Variants in MAML3 observed in about 807,000 individuals in gnomAD.
MAML3 encodes mastermind like transcriptional coactivator 3, also known as mastermind-like protein 3.
Under a neutral mutation model 101.9 loss-of-function variants are expected in MAML3, and 27 were observed. The ratio of observed to expected loss-of-function variants is 0.27; its 90% confidence interval spans 0.20 to 0.37. MAML3 has a LOEUF of 0.37. Among genes scored for constraint, MAML3 ranks in the 10% least tolerant of loss-of-function variants. The pLI is 1.00. For synonymous variants in MAML3, 501 were observed against 555.9 expected (o/e 0.90, Z 1.39); for missense variants, 1,316 against 1,444.9 (o/e 0.91, Z 1.45).
At chr4:140,092,004 A>ACG (rs1728060391) in intron 1 of MAML3, among the ~76,000 whole-genome samples, 2 of 150,972 alleles carry the variant, frequency 1.3e-5, no homozygotes, top group Non-Finnish European at 2.9e-5. Context: ...GCAGTGGGGT[A>ACG]TCATCTCTGT....
At chr4:139,781,508 C>CATATATATATATATATATATATAT (rs10568513) in intron 2 of MAML3, among the ~76,000 whole-genome samples, 2,133 of 135,810 alleles carry the variant, frequency 0.016, 47 homozygotes, top group Admixed American at 0.026. Flanking sequence ...AGAGCATTTT[C>CATATATATATATATATATATATAT]ATATATATAT....
intron 1 of MAML3, among the ~76,000 whole-genome samples, chr4:140,039,599 C>A (rs973142782): frequency 3.3e-5 from 5 of 152,182 alleles, no homozygotes; most frequent in Non-Finnish European, 7.3e-5. Context: ...GCCCACCCAC[C>A]CCGACTGTGC....
intron 2 of MAML3, among the ~76,000 whole-genome samples, chr4:139,806,494 C>T (rs1033946761): frequency 6.6e-6 from 1 of 152,002 alleles, no homozygotes; most frequent in Non-Finnish European, 1.5e-5. Flanking sequence ...GGTAAGGGAG[C>T]TCATTCAGTA....
intron 2 of MAML3, among the ~76,000 whole-genome samples, chr4:139,772,474 T>G (rs1730016065): frequency 2.6e-5 from 4 of 151,312 alleles, no homozygotes; most frequent in African/African-American, 7.3e-5. Context: ...CCCAAGTAGC[T>G]GGGATTACAG....
Position 140,154,060 on chromosome 4 carries a change from C to T in MAML3, c.-733G>A. The T allele has an allele frequency of 6.0e-6, 1 of 165,644 alleles. No homozygotes were observed. The allele number at this position is 165,644 out of a possible 1,614,324, so 10.3% of individuals were successfully genotyped here. On this transcript the variant is annotated 5_prime_UTR_variant, in exon 1 of 5. Coordinates refer to ENST00000509479, the MANE Select transcript of MAML3 (RefSeq NM_018717.5). Reference sequence around the variant, plus strand: ...GAGCAGCACCTAACGCTCGGCTGGGCTGCCGCTGCCGCCGCTGCTCCTGCC... The same window carrying T: ...GAGCAGCACCTAACGCTCGGCTGGGTTGCCGCTGCCGCCGCTGCTCCTGCC...
Position 139,896,607 on chromosome 4 carries a change from G to GGTGTGTGTGTGTGT in MAML3, c.469-5654_469-5641dup, listed in dbSNP as rs113274639. Among the ~76,000 whole-genome samples the GGTGTGTGTGTGTGT allele has an allele frequency of 3.7e-3, 536 of 144,748 alleles. 6 individuals carry two copies. Among genetic ancestry groups the GGTGTGTGTGTGTGT allele is most frequent in the African/African-American group, 0.012 (476 of 38,328 alleles). The allele number at this position is 144,748 out of a possible 152,430, so 95.0% of individuals were successfully genotyped here. A position where few individuals can be genotyped will look rare whatever the true frequency, so the allele number is the denominator to read the frequency against. The stretch of plus-strand genomic sequence containing the variant: ...CTTGATGGCTTGTTTCTGTGAAACT[G>GGTGTGTGTGTGTGT]GTGTGTGTGTGTGTGTGTGTGTGTG... On this transcript the variant is annotated intron_variant, in intron 1 of 4. Transcript: ENST00000509479.
At chr4:140,052,083 T>C (rs1727277986) in intron 1 of MAML3, among the ~76,000 whole-genome samples, 1 of 152,058 alleles carries the variant, frequency 6.6e-6, no homozygotes, top group Non-Finnish European at 1.5e-5. Context: ...TTTCATGAAA[T>C]GGGTTAAGGA....
In MAML3 at chr4:139,938,259, G is replaced by T. The variant is rs546504978; in HGVS notation, c.469-47292C>A. ...GGGAGAAAGGAAACAGCAATGCTAA[G>T]CCCTGGGCCTCAAGCGCACAGAGTA... On this transcript the variant is annotated intron_variant, in intron 1 of 4. Transcript: ENST00000509479. 1.5e-4 allele frequency among the ~76,000 whole-genome samples: 23 copies of T among 152,318 alleles called. 1 individual carries two copies. The South Asian group carries it at 4.4e-3, about 29-fold the overall frequency.
chr4:140,129,645 G>C (rs1461349560), intron 1 of MAML3, among the ~76,000 whole-genome samples: 1 of 152,050 alleles, frequency 6.6e-6, no homozygotes, highest in East Asian at 1.9e-4. Flanking sequence ...GCAACGAAAA[G>C]ACCCCAAGTC....
chr4:139,757,594 G>A (rs1560785209), intron 2 of MAML3, among the ~76,000 whole-genome samples: 2 of 135,390 alleles, frequency 1.5e-5, no homozygotes, highest in African/African-American at 5.7e-5. Context: ...AGTGAGTCAA[G>A]ATTGCACCAC....
intron 1 of MAML3, among the ~76,000 whole-genome samples, chr4:140,040,224 C>T (rs902503374): frequency 6.6e-6 from 1 of 152,202 alleles, no homozygotes; most frequent in Non-Finnish European, 1.5e-5. Flanking sequence ...ATTTTCATTT[C>T]TATTCCATTG....
intron 1 of MAML3, among the ~76,000 whole-genome samples, chr4:140,015,516 A>G (rs1726627718): frequency 6.6e-6 from 1 of 152,230 alleles, no homozygotes; most frequent in Non-Finnish European, 1.5e-5. Context: ...AAAAAAGTCT[A>G]TCATTAAAAT....
intron 1 of MAML3, among the ~76,000 whole-genome samples, chr4:140,113,357 G>A (rs1231124000): frequency 6.6e-6 from 1 of 152,040 alleles, no homozygotes; most frequent in Non-Finnish European, 1.5e-5. Flanking sequence ...AGGGCCCCTC[G>A]CTGAACCTTG....
chr4:139,724,760 A>G (rs550102162), intron 4 of MAML3, among the ~76,000 whole-genome samples: 1 of 146,054 alleles, frequency 6.8e-6, no homozygotes, highest in East Asian at 2.0e-4. Flanking sequence ...CACCCCATAT[A>G]AGACCCTCAA....
At chr4:139,933,311 T>A (rs1164560195) in intron 1 of MAML3, among the ~76,000 whole-genome samples, 1 of 152,148 alleles carries the variant, frequency 6.6e-6, no homozygotes, top group Non-Finnish European at 1.5e-5. Context: ...GGCCCGCCCA[T>A]GAGCATCCTT....
intron 1 of MAML3, among the ~76,000 whole-genome samples, chr4:140,135,912 C>G (rs1001711824): frequency 6.6e-6 from 1 of 152,210 alleles, no homozygotes; most frequent in African/African-American, 2.4e-5. Flanking sequence ...ATCTCCCTCC[C>G]CCTTCTCCTT....
rs527274074 is a variant in MAML3, at chr4:140,013,467, A to G, written c.469-122500T>C. 3.9e-5 allele frequency among the ~76,000 whole-genome samples: 6 copies of G among 152,270 alleles called. No homozygotes were observed. In the East Asian group the frequency reaches 5.8e-4, roughly 15 times the overall value. The stretch of plus-strand genomic sequence containing the variant: ...AGTAGTCTCTGTTACCGCAAATCCT[A>G]TGTTATCTCTGACATGATACCACAC... On this transcript the variant is annotated intron_variant, in intron 1 of 4. Coordinates refer to ENST00000509479, the MANE Select transcript of MAML3 (RefSeq NM_018717.5).
intron 1 of MAML3, among the ~76,000 whole-genome samples, chr4:140,151,952 G>A (rs923854951): frequency 6.6e-6 from 1 of 152,158 alleles, no homozygotes; most frequent in Non-Finnish European, 1.5e-5. Flanking sequence ...CAAAGTTGGC[G>A]GGCAGCGGGG....
At position 139,718,690 on chromosome 4, in the gene MAML3, T is replaced by C. The variant is rs1444999023; in HGVS notation, c.*633A>G. The C allele has an allele frequency of 2.0e-5, 3 of 152,376 alleles. No individual in the cohort carries two copies. Among genetic ancestry groups the C allele is most frequent in the Non-Finnish European group, 2.9e-5 (2 of 68,158 alleles). The allele number at this position is 152,376 out of a possible 1,614,324, so 9.4% of individuals were successfully genotyped here. A position where few individuals can be genotyped will look rare whatever the true frequency, so the allele number is the denominator to read the frequency against. ...CCTTTGCAATTCCTGAGGGTCATCATGGGGCAGGAGACAGACAGTCCTGTA... is the reference window on the plus strand; with the variant it reads ...CCTTTGCAATTCCTGAGGGTCATCACGGGGCAGGAGACAGACAGTCCTGTA... On this transcript the variant is annotated 3_prime_UTR_variant, in exon 5 of 5. Coordinates refer to ENST00000509479, the MANE Select transcript of MAML3 (RefSeq NM_018717.5).
Sources: gnomAD v4.1 joint callset for allele counts (sites outside exome capture counted in the v4.1 genomes callset) on GRCh38, gnomAD v4.1.1 for gene constraint, MANE v1.5 for transcripts, NCBI Gene and HGNC (gene_info 2026-07-23, HGNC 2026-07-21) for gene names.